The following NSG2 variants were observed in gnomAD, a reference collection of about 807,000 sequenced individuals.
The protein encoded by NSG2 is neuronal vesicle trafficking-associated protein 2.
A neutral mutation model predicts 16.9 loss-of-function variants in NSG2; 4 were observed. That is an observed-to-expected ratio of 0.24 (90% CI 0.12 to 0.54). The LOEUF is 0.54. Among genes scored for constraint, NSG2 ranks in the 20% least tolerant of loss-of-function variants. The pLI is 0.95. For synonymous variants in NSG2, 98 were observed against 88.7 expected, an observed-to-expected ratio of 1.11 and a Z score of -0.59; for missense variants, 179 against 221.1, an observed-to-expected ratio of 0.81 and a Z score of 1.21.
chr5:174,064,713 C>T (rs975528615), intron 3 of NSG2, among the ~76,000 whole-genome samples: 2 of 152,034 alleles, frequency 1.3e-5, no homozygotes, highest in African/African-American at 2.4e-5. Context: ...GGAAGAAAAG[C>T]TGGCTTCTTG....
chr5:174,108,012 G>C lies in NSG2; in HGVS notation c.*507G>C. 7 of 317,512 alleles carry C rather than the reference G, an allele frequency of 2.2e-5. No individual in the cohort carries two copies. The highest frequency in any genetic ancestry group is 1.8e-4 in the South Asian group (7 of 38,876). The allele number at this position is 317,512 out of a possible 1,614,324, so 19.7% of individuals were successfully genotyped here. A position where few individuals can be genotyped will look rare whatever the true frequency, so the allele number is the denominator to read the frequency against. On this transcript the variant is annotated 3_prime_UTR_variant, in exon 5 of 5. Transcript: ENST00000303177. ...TATTCCATTAGCCTGTGGTCTGCAG[G>C]GTAGGCCCGCAGGAAATGAGGAATG... is the stretch of plus-strand genomic sequence containing the variant.
rs1299180937 is a variant in NSG2 at position 174,070,458 on chromosome 5, C to T, written c.213+6143C>T. On this transcript the variant is annotated intron_variant, in intron 3 of 4. Coordinates refer to ENST00000303177, the MANE Select transcript of NSG2 (RefSeq NM_015980.5). Reference sequence around the variant, plus strand: ...TTCTCTCTGCCACAACTTGATGTCACCCTGCCATTGTCCTGGCCAAGCTGT... The same window carrying T: ...TTCTCTCTGCCACAACTTGATGTCATCCTGCCATTGTCCTGGCCAAGCTGT... Among the ~76,000 whole-genome samples, 8 of 152,280 alleles carry T rather than the reference C, an allele frequency of 5.3e-5. No homozygotes were observed. The South Asian group carries it at 1.2e-3, about 24-fold the overall frequency.
At chr5:174,098,985 T>C (rs1760856683) in intron 3 of NSG2, among the ~76,000 whole-genome samples, 1 of 152,142 alleles carries the variant, frequency 6.6e-6, no homozygotes, top group Admixed American at 6.5e-5. Flanking sequence ...ACCGAGTCAA[T>C]AAATATTGAT....
intron 2 of NSG2, among the ~76,000 whole-genome samples, chr5:174,055,421 A>G (rs929041402): frequency 1.9e-4 from 28 of 144,042 alleles, no homozygotes; most frequent in Admixed American, 1.6e-3. Context: ...GTGAAACCCC[A>G]TCTCTACTAA....
chr5:174,053,913 G>A (rs558755184), intron 2 of NSG2, among the ~76,000 whole-genome samples: 1 of 152,326 alleles, frequency 6.6e-6, no homozygotes, highest in Admixed American at 6.5e-5. Context: ...AATGTAAACT[G>A]TGGGTAGCAT....
At chr5:174,057,557 C>G (rs1759984745) in intron 2 of NSG2, among the ~76,000 whole-genome samples, 1 of 152,246 alleles carries the variant, frequency 6.6e-6, no homozygotes, top group South Asian at 2.1e-4. Flanking sequence ...TTTCCCTGCT[C>G]TCTGCCGGTC....
chr5:174,062,561 G>C (rs1021894922), intron 2 of NSG2: 3 of 152,118 alleles, frequency 2.0e-5, no homozygotes, highest in African/African-American at 7.2e-5. Context: ...GAAGCCAGGG[G>C]CTCTCTTTTT....
chr5:174,092,279 A>G (rs2113467141), intron 3 of NSG2, among the ~76,000 whole-genome samples: 2 of 152,374 alleles, frequency 1.3e-5, no homozygotes, highest in African/African-American at 4.8e-5. Flanking sequence ...TGTTCAGAAG[A>G]GTAATTTAAG....
chr5:174,071,981 C>T (rs1760250386), intron 3 of NSG2, among the ~76,000 whole-genome samples: 3 of 152,192 alleles, frequency 2.0e-5, no homozygotes, highest in South Asian at 4.1e-4. Context: ...TGTCTCAAGC[C>T]TCAACCCTGC....
At chr5:174,079,402 C>T (rs375843867) in intron 3 of NSG2, among the ~76,000 whole-genome samples, 3 of 152,218 alleles carry the variant, frequency 2.0e-5, no homozygotes, top group South Asian at 2.1e-4. Context: ...GGAATGCAGA[C>T]GCCTGCCACC....
intron 3 of NSG2, among the ~76,000 whole-genome samples, chr5:174,087,976 G>A (rs2113462437): frequency 6.6e-6 from 1 of 152,076 alleles, no homozygotes; most frequent in East Asian, 1.9e-4. Context: ...CTGTCTAATT[G>A]AGGGATTAGA....
At chr5:174,083,796 C>T (rs1230573933) in intron 3 of NSG2, among the ~76,000 whole-genome samples, 6 of 152,188 alleles carry the variant, frequency 3.9e-5, no homozygotes, top group African/African-American at 1.4e-4. Context: ...CTTCTGGGTT[C>T]TAGGCACAGT....
intron 3 of NSG2, among the ~76,000 whole-genome samples, chr5:174,095,215 C>T (rs1294779986): frequency 2.0e-5 from 3 of 152,068 alleles, no homozygotes; most frequent in East Asian, 1.9e-4. Flanking sequence ...GAGAGGAGTC[C>T]GCATTTGTAG....
chr5:174,091,524 G>A (rs1760721210), intron 3 of NSG2, among the ~76,000 whole-genome samples: 1 of 152,194 alleles, frequency 6.6e-6, no homozygotes, highest in South Asian at 2.1e-4. Context: ...GGGATGGGGG[G>A]CTTGCTCAAA....
At chr5:174,080,531 C>T (rs796314101) in intron 3 of NSG2, among the ~76,000 whole-genome samples, 97 of 143,644 alleles carry the variant, frequency 6.8e-4, no homozygotes, top group African/African-American at 2.4e-3. Flanking sequence ...TTCTTTCTCT[C>T]TCTCTCTCTC....
In NSG2 at chr5:174,072,358, G is replaced by A. The variant is rs151166479; in HGVS notation, c.213+8043G>A. ...TCCCTCATGATCCTGTCCATTGGAT[G>A]TCTCCCTGCCTTTGTCTGTGTCATC... On this transcript the variant is annotated intron_variant, in intron 3 of 4. Coordinates refer to ENST00000303177, the MANE Select transcript of NSG2 (RefSeq NM_015980.5). The surrounding 1 kb of genome is among the most constrained non-coding windows in gnomAD (Gnocchi z 4.0). Among the ~76,000 whole-genome samples the A allele has an allele frequency of 5.8e-3, 891 of 152,340 alleles. 5 individuals are homozygous for A. Among genetic ancestry groups the A allele is most frequent in the African/African-American group, 0.02 (849 of 41,584 alleles).
At chr5:174,060,520 G>T (rs1760033309) in intron 2 of NSG2, among the ~76,000 whole-genome samples, 1 of 152,092 alleles carries the variant, frequency 6.6e-6, no homozygotes, top group African/African-American at 2.4e-5. Flanking sequence ...GTGGGAAGGT[G>T]GACTAGTTTT....
chr5:174,048,964 TG>T (rs551109357), intron 2 of NSG2, among the ~76,000 whole-genome samples: 137 of 152,232 alleles, frequency 9.0e-4, no homozygotes, highest in African/African-American at 3.1e-3. Flanking sequence ...CCTGTTTTTT[TG>T]ATATGGGGAG....
chr5:174,071,324 T>G (rs1581225219), intron 3 of NSG2, among the ~76,000 whole-genome samples: 1 of 152,062 alleles, frequency 6.6e-6, no homozygotes, highest in East Asian at 1.9e-4. Flanking sequence ...CCGTCTCTAC[T>G]AAAATACAAA....
Sources: gnomAD v4.1 joint callset for allele counts (sites outside exome capture counted in the v4.1 genomes callset) on GRCh38, gnomAD v4.1.1 for gene constraint, Gnocchi (gnomAD v3.1) non-coding constraint, MANE v1.5 for transcripts, NCBI Gene and HGNC (gene_info 2026-07-23, HGNC 2026-07-21) for gene names.